NES: variants seen among roughly 807,000 people sequenced by gnomAD.
NES encodes nestin.
Under a neutral mutation model 35.6 loss-of-function variants are expected in NES, and 27 were observed. That is an observed-to-expected ratio of 0.76 (90% CI 0.56 to 1.04). The LOEUF (loss-of-function observed/expected upper bound fraction) is 1.04. Among genes scored for constraint, NES ranks in the 50% least tolerant of loss-of-function variants. The pLI, the probability that NES is intolerant of heterozygous loss-of-function variation, is 0.00. For missense variants in NES, 1,867 were observed against 1,983.6 expected (o/e 0.94, Z 1.12); for synonymous variants, 822 against 824.2 (o/e 1.00, Z 0.04).
chr1:156,669,005 C>A lies in NES; in HGVS notation c.*317G>T. On this transcript the variant is annotated 3_prime_UTR_variant, in exon 4 of 4. Transcript: ENST00000368223. ...TCCCTTTGGAGAAGCCTCTGGGCCA[C>A]AGGCCTTTTCCAGCTGACGGGATGC... 4.1e-6 allele frequency: 1 copy of A among 245,632 alleles called. No individual in the cohort carries two copies. The highest frequency in any genetic ancestry group is 7.8e-6 in the Non-Finnish European group (1 of 127,996). 15.2% of individuals were successfully genotyped at this position (245,632 alleles called of 1,614,324 possible).
chr1:156,670,114 C>T lies in NES; in HGVS notation c.4074G>A (p.Glu1358=). ...CTGACAGGTCAGAGTCACGGCCACA[C>T]TCCTCTTCTCCCTCCTCCCCCTCCT... ...EKEEGEEGEE[E]CGRDSDLSEE... Residue 1358 remains glutamate (E), a synonymous_variant, in exon 4 of 4, where the codon GAG becomes GAA. Coordinates refer to ENST00000368223, the MANE Select transcript of NES (RefSeq NM_006617.2). 6.2e-7 allele frequency: 1 copy of T among 1,614,056 alleles called. No homozygotes were observed. The highest frequency in any genetic ancestry group is 2.2e-5 in the East Asian group (1 of 44,874).
Position 156,676,936 on chromosome 1 carries a change from G to A in NES, c.329C>T (p.Ala110Val), listed in dbSNP as rs753381641. The change falls in exon 1 of 4, where the codon GCC (alanine) becomes GTC (valine). Residue 110 changes from alanine (A) to valine (V), a missense_variant. Transcript: ENST00000368223. The surrounding 1 kb of genome is among the most constrained non-coding windows in gnomAD (Gnocchi z 5.3). ...TGCCTCGACGGCGCGCCGGTTGCGGGCTACCTCCTCCGTCGTCCGCTCCCG... is the reference window on the plus strand; with the variant it reads ...TGCCTCGACGGCGCGCCGGTTGCGGACTACCTCCTCCGTCGTCCGCTCCCG... Reference protein sequence around the residue: ...LARERTTEEVARNRRAVEAEK... With the variant: ...LARERTTEEVVRNRRAVEAEK... 9 of 1,553,402 alleles carry A rather than the reference G, an allele frequency of 5.8e-6. No individual in the cohort carries two copies. The Admixed American group carries it at 7.5e-5, about 13-fold the overall frequency.
intron 2 of NES, among the ~76,000 whole-genome samples, chr1:156,674,658 G>A (rs1394990527): frequency 2.6e-5 from 4 of 152,218 alleles, no homozygotes; most frequent in African/African-American, 7.2e-5. Flanking sequence ...CAGAAAATGT[G>A]GACAATGAAA....
At position 156,671,487 on chromosome 1, in the gene NES, C is replaced by T; in HGVS notation, c.2701G>A (p.Glu901Lys). ...ACCTCCTCTGGAGATCTCAAATTCT[C>T]CAGGTTCCATGCTCCCAGAGATCTC... ...SLRSLGAWNLENLRSPEEVDK... is the reference protein window; with the variant it reads ...SLRSLGAWNLKNLRSPEEVDK... Residue 901 changes from glutamate to lysine, a missense_variant, in exon 4 of 4, where the codon GAG becomes AAG. Physicochemically the swap from Glu to Lys is moderately conservative, Grantham distance 56. Transcript: ENST00000368223. 1 of 1,614,008 alleles carries T rather than the reference C, an allele frequency of 6.2e-7. No homozygotes were observed.
At position 156,672,385 on chromosome 1, in the gene NES, C is replaced by T. The variant is rs761000772; in HGVS notation, c.1803G>A (p.Glu601=). 1.2e-6 allele frequency: 2 copies of T among 1,613,144 alleles called. No homozygotes were observed. The highest frequency in any genetic ancestry group is 1.7e-6 in the Non-Finnish European group (2 of 1,179,840). The change falls in exon 4 of 4, where the codon GAG becomes GAA. Residue 601 remains glutamate, a synonymous_variant. Transcript: ENST00000368223. ...KENKELLKDV[E]VVRPLEKEAV... ...CCTCTTTTTCTAGAGGTCTCACTAC[C>T]TCCACATCCTTTAATAGCTCTTTAT...
At position 156,669,941 on chromosome 1, in the gene NES, T is replaced by G. The variant is rs1679675538; in HGVS notation, c.4247A>C (p.Glu1416Ala). 1 of 1,612,946 alleles carries G rather than the reference T, an allele frequency of 6.2e-7. No homozygotes were observed. Among genetic ancestry groups the G allele is most frequent in the Non-Finnish European group, 8.5e-7 (1 of 1,179,602 alleles). ...DGESDGFADE[E>A]ESGEEGEEDQ... Reference sequence around the variant, plus strand: ...CTCCTCTCCCTCCTCCCCACTTTCTTCCTCATCTGCAAACCCATCGGACTC... The same window carrying G: ...CTCCTCTCCCTCCTCCCCACTTTCTGCCTCATCTGCAAACCCATCGGACTC... The change falls in exon 4 of 4, where the codon GAA becomes GCA. Residue 1416 changes from glutamate to alanine, a missense_variant. Coordinates refer to ENST00000368223, the MANE Select transcript of NES (RefSeq NM_006617.2).
At position 156,673,444 on chromosome 1, in the gene NES, C is replaced by A; in HGVS notation, c.982+10G>T. 1.2e-6 allele frequency: 2 copies of A among 1,610,358 alleles called. No individual in the cohort carries two copies. The highest frequency in any genetic ancestry group is 1.7e-6 in the Non-Finnish European group (2 of 1,177,372). On this transcript the variant is annotated intron_variant, in intron 3 of 3. Coordinates refer to ENST00000368223, the MANE Select transcript of NES (RefSeq NM_006617.2). ...GGTAGTTTCTGGGGGAACTTGGCCCCTCCTCTTACCCTGAAAGCTGAGGGA... is the reference window on the plus strand; with the variant it reads ...GGTAGTTTCTGGGGGAACTTGGCCCATCCTCTTACCCTGAAAGCTGAGGGA...
At chr1:156,675,715 G>T (rs990880883) in intron 1 of NES, among the ~76,000 whole-genome samples, 4 of 152,150 alleles carry the variant, frequency 2.6e-5, no homozygotes, top group Non-Finnish European at 5.9e-5. Flanking sequence ...AAGGAAAAAC[G>T]ATTAATCAAG....
At position 156,677,067 on chromosome 1, in the gene NES, G is replaced by A; in HGVS notation, c.198C>T (p.Leu66=). The A allele has an allele frequency of 3.1e-6, 5 of 1,599,048 alleles. No individual in the cohort carries two copies. The highest frequency in any genetic ancestry group is 4.3e-6 in the Non-Finnish European group (5 of 1,174,648). ...GCTTCTCCCGCCAGCGTTGGTCAACGAGGGCCCGCAGGGCCGCCAGCTCGT... is the reference window on the plus strand; with the variant it reads ...GCTTCTCCCGCCAGCGTTGGTCAACAAGGGCCCGCAGGGCCGCCAGCTCGT... ...ADDELAALRA[L]VDQRWREKHA... The change falls in exon 1 of 4, where the codon CTC becomes CTT. Residue 66 remains leucine, a synonymous_variant. Transcript: ENST00000368223. The surrounding 1 kb of genome is among the most constrained non-coding windows in gnomAD (Gnocchi z 4.5).
Position 156,676,601 on chromosome 1 carries a change from G to A in NES, c.664C>T (p.Arg222Cys). The change falls in exon 1 of 4, where the codon CGC (arginine) becomes TGC (cysteine). Residue 222 changes from arginine (R) to cysteine (C), a missense_variant. Physicochemically the swap from Arg to Cys is radical, Grantham distance 180. Transcript: ENST00000368223. The surrounding 1 kb of genome is among the most constrained non-coding windows in gnomAD (Gnocchi z 5.3). ...GRAVQGAREG[R>C]LELQQLQAER... ...GCCTGGAGCTGCTGCAGCTCCAGGC[G>A]GCCCTCGCGGGCACCCTGCACCGCC... 6.4e-7 allele frequency: 1 copy of A among 1,569,422 alleles called. No individual in the cohort carries two copies. The highest frequency in any genetic ancestry group is 8.6e-7 in the Non-Finnish European group (1 of 1,166,152).
Position 156,670,434 on chromosome 1 carries a change from TC to T in NES, c.3753del (p.Arg1252GlyfsTer8). The T allele has an allele frequency of 1.3e-6, 2 of 1,558,568 alleles. No homozygotes were observed. Among genetic ancestry groups the T allele is most frequent in the African/African-American group, 2.7e-5 (2 of 73,238 alleles). On this transcript the variant is annotated frameshift_variant, in exon 4 of 4. Transcript: ENST00000368223. LOFTEE classifies it low-confidence loss of function (END_TRUNC). ...TCTACTTTCCCCAGGGCTTCAGCCC[TC>T]CCCTGCACCCCCCAGCTAGCCTCCT... ...GSQEASWGVQ[G>X]RAEALGKVES...
intron 1 of NES, among the ~76,000 whole-genome samples, chr1:156,675,681 AG>A (rs1019799459): frequency 1.3e-5 from 2 of 151,918 alleles, no homozygotes; most frequent in African/African-American, 2.4e-5. Context: ...GAGAGAGAAG[AG>A]GGGGAAAAAA....
chr1:156,676,380 G>A lies in NES; in HGVS notation c.783+102C>T. 1 of 1,192,498 alleles carries A rather than the reference G, an allele frequency of 8.4e-7. No individual in the cohort carries two copies. Among genetic ancestry groups the A allele is most frequent in the South Asian group, 1.4e-5 (1 of 70,238 alleles). The allele number at this position is 1,192,498 out of a possible 1,614,324, so 73.9% of individuals were successfully genotyped here. A position where few individuals can be genotyped will look rare whatever the true frequency, so the allele number is the denominator to read the frequency against. ...CTGAGAACTGGCTCCTGATTCAGCA[G>A]CCAGCTAGCCCCACTCCCTTCCCAG... On this transcript the variant is annotated intron_variant, in intron 1 of 3. Coordinates refer to ENST00000368223, the MANE Select transcript of NES (RefSeq NM_006617.2). This position sits in a 1 kb window ranked among gnomAD's most constrained non-coding sequence, Gnocchi z 5.3.
Position 156,677,180 on chromosome 1 carries a change from G to T in NES, c.85C>A (p.Leu29Met), listed in dbSNP as rs1324505880. Residue 29 changes from leucine to methionine, a missense_variant, in exon 1 of 4, where the codon CTG becomes ATG. Coordinates refer to ENST00000368223, the MANE Select transcript of NES (RefSeq NM_006617.2). This position sits in a 1 kb window ranked among gnomAD's most constrained non-coding sequence, Gnocchi z 4.5. ...CTGAGCAGCTCATTCTGCTCCTCCAGCGCCTTGACCCGGGCCAGGTAGGCC... is the reference window on the plus strand; with the variant it reads ...CTGAGCAGCTCATTCTGCTCCTCCATCGCCTTGACCCGGGCCAGGTAGGCC... ...LEAYLARVKALEEQNELLSAE... is the reference protein window; with the variant it reads ...LEAYLARVKAMEEQNELLSAE... 6.2e-7 allele frequency: 1 copy of T among 1,612,510 alleles called. No homozygotes were observed. Among genetic ancestry groups the T allele is most frequent in the South Asian group, 1.1e-5 (1 of 90,988 alleles).
Position 156,670,750 on chromosome 1 carries a change from C to T in NES, c.3438G>A (p.Glu1146=). 1 of 1,614,124 alleles carries T rather than the reference C, an allele frequency of 6.2e-7. No homozygotes were observed. Among genetic ancestry groups the T allele is most frequent in the Non-Finnish European group, 8.5e-7 (1 of 1,179,996 alleles). Residue 1146 remains glutamate (E), a synonymous_variant, in exon 4 of 4, where the codon GAG becomes GAA. Coordinates refer to ENST00000368223, the MANE Select transcript of NES (RefSeq NM_006617.2). ...GLEGPRKDLE[E]AGGLGTEFSE... ...AGAACTCTGTCCCCAGACCACCTGC[C>T]TCCTCTAGGTCCTTTCTAGGCCCTT...
In NES at chr1:156,669,574, C is replaced by G; in HGVS notation, c.4614G>C (p.Gln1538His). ...PGADIIGVNG[Q>H]GPNLEGKSQH... ...GTGACTTCCCCTCCAAGTTGGGACC[C>G]TGGCCATTAACACCAATGATGTCTG... Residue 1538 changes from glutamine to histidine, a missense_variant, in exon 4 of 4, where the codon CAG (glutamine) becomes CAC (histidine). By Grantham distance (24) the Gln-to-His change is conservative. Coordinates refer to ENST00000368223, the MANE Select transcript of NES (RefSeq NM_006617.2). 6.2e-7 allele frequency: 1 copy of G among 1,613,970 alleles called. No homozygotes were observed.
At position 156,670,903 on chromosome 1, in the gene NES, C is replaced by A; in HGVS notation, c.3285G>T (p.Ala1095=). 6.2e-7 allele frequency: 1 copy of A among 1,611,580 alleles called. No homozygotes were observed. The highest frequency in any genetic ancestry group is 8.5e-7 in the Non-Finnish European group (1 of 1,178,866). Residue 1095 remains alanine, a synonymous_variant, in exon 4 of 4, where the codon GCG becomes GCT. Transcript: ENST00000368223. ...CCTGCCCCGGGCCTGGCTCAGCTCC[C>A]GCAGCAGACTCACCCATGGCAGGCT... ...GSEPAMGESA[A]GAEPGPGQGV... is the part of the protein sequence containing the mutation.
Position 156,671,951 on chromosome 1 carries a change from G to C in NES, c.2237C>G (p.Ser746Cys). The C allele has an allele frequency of 6.2e-7, 1 of 1,614,126 alleles. No individual in the cohort carries two copies. Among genetic ancestry groups the C allele is most frequent in the Non-Finnish European group, 8.5e-7 (1 of 1,180,018 alleles). ...LETENHKSLR[S>C]LEEQDQETLR... ...TGTCTCTTGGTCCTGTTCTTCTAAAGACCTCAGTGATTTGTGATTCTCTGT... is the reference window on the plus strand; with the variant it reads ...TGTCTCTTGGTCCTGTTCTTCTAAACACCTCAGTGATTTGTGATTCTCTGT... The change falls in exon 4 of 4, where the codon TCT becomes TGT. Residue 746 changes from serine to cysteine, a missense_variant. Ser to Cys is a moderately radical substitution (Grantham distance 112). Transcript: ENST00000368223.
rs372839655 is a variant in NES, at chr1:156,669,752, C to T, written c.4436G>A (p.Gly1479Asp). The change falls in exon 4 of 4, where the codon GGT becomes GAT. Residue 1479 changes from glycine (G) to aspartate (D), a missense_variant. Physicochemically the swap from Gly to Asp is moderately conservative, Grantham distance 94. Transcript: ENST00000368223. ...WDDSLRGAVA[G>D]APKTALETES... Reference sequence around the variant, plus strand: ...CGTTTCCAGGGCAGTCTTGGGGGCACCAGCCACTGCACCCCTCAAGCTGTC... The same window carrying T: ...CGTTTCCAGGGCAGTCTTGGGGGCATCAGCCACTGCACCCCTCAAGCTGTC... 1.1e-5 allele frequency: 18 copies of T among 1,613,906 alleles called. No individual in the cohort carries two copies. Among genetic ancestry groups the T allele is most frequent in the African/African-American group, 6.7e-5 (5 of 74,902 alleles).
Sources: allele counts gnomAD v4.1 joint callset (sites outside exome capture counted in the v4.1 genomes callset), GRCh38; gene constraint gnomAD v4.1.1; non-coding constraint Gnocchi (gnomAD v3.1); transcripts MANE v1.5; gene names NCBI Gene and HGNC (gene_info 2026-07-23, HGNC 2026-07-21).